Variants in GPR83 observed in about 807,000 individuals in gnomAD.
GPR83 encodes G protein-coupled receptor 83, also known as G-protein coupled receptor 72.
In GPR83, 23 loss-of-function variants were observed where a neutral mutation model predicts 28.0. The ratio of observed to expected loss-of-function variants is 0.82; its 90% confidence interval spans 0.59 to 1.16. The LOEUF (loss-of-function observed/expected upper bound fraction) is 1.16. GPR83 is among the 50% of genes most tolerant of loss of function. The pLI, the probability that GPR83 is intolerant of heterozygous loss-of-function variation, is 0.00. For missense variants in GPR83, 610 were observed against 536.6 expected (o/e 1.14, Z -1.35); for synonymous variants, 234 against 215.4 (o/e 1.09, Z -0.76).
chr11:94,397,486 G>A (rs1944877415), intron 1 of GPR83, among the ~76,000 whole-genome samples: 1 of 152,200 alleles, frequency 6.6e-6, no homozygotes, highest in Non-Finnish European at 1.5e-5. Flanking sequence ...CATAGAAATA[G>A]GGCAAGTTGG....
rs988114439 is a variant in GPR83 at position 94,379,451 on chromosome 11, G to C, written c.*698C>G. 6.6e-6 allele frequency: 1 copy of C among 151,184 alleles called. No individual in the cohort carries two copies. The highest frequency in any genetic ancestry group is 1.5e-5 in the Non-Finnish European group (1 of 67,898). The allele number at this position is 151,184 out of a possible 1,614,324, so 9.4% of individuals were successfully genotyped here. On this transcript the variant is annotated 3_prime_UTR_variant, in exon 4 of 4. Coordinates refer to ENST00000243673, the MANE Select transcript of GPR83 (RefSeq NM_016540.4). ...CACACGAAGGAAAATGTTGCAAATA[G>C]AGCCACAGCATGTTCACAGATGTTA...
chr11:94,384,271 C>T (rs551862672), intron 3 of GPR83, among the ~76,000 whole-genome samples: 1 of 152,170 alleles, frequency 6.6e-6, no homozygotes, highest in Non-Finnish European at 1.5e-5. Flanking sequence ...AGGCCTTCAA[C>T]AAAATTCAGC....
intron 1 of GPR83, 56 bp downstream of exon 1, chr11:94,400,803 TGA>T (rs1944903815): frequency 2.6e-6 from 4 of 1,548,134 alleles, no homozygotes; most frequent in Middle Eastern, 3.5e-4. Flanking sequence ...GCCAGAGAAC[TGA>T]GAGAGGAAAG....
chr11:94,396,267 C>T (rs1397972726), intron 2 of GPR83, 132 bp downstream of exon 2: 4 of 812,602 alleles, frequency 4.9e-6, no homozygotes, highest in Non-Finnish European at 8.0e-6. Flanking sequence ...CCTATGTGTT[C>T]ATGTTGATCA....
At position 94,377,758 on chromosome 11, in the gene GPR83, T is replaced by C. The variant is rs970714984; in HGVS notation, c.*2391A>G. On this transcript the variant is annotated 3_prime_UTR_variant, in exon 4 of 4. Coordinates refer to ENST00000243673, the MANE Select transcript of GPR83 (RefSeq NM_016540.4). Reference sequence around the variant, plus strand: ...TCCCAGCTGTAGGCTAATATAAGTGTTCTCAGAGCATTTAAGGTAGGCTTG... The same window carrying C: ...TCCCAGCTGTAGGCTAATATAAGTGCTCTCAGAGCATTTAAGGTAGGCTTG... The C allele has an allele frequency of 3.9e-5, 6 of 152,232 alleles. No homozygotes were observed. The highest frequency in any genetic ancestry group is 8.8e-5 in the Non-Finnish European group (6 of 68,048). The allele number at this position is 152,232 out of a possible 1,614,324, so 9.4% of individuals were successfully genotyped here. A position where few individuals can be genotyped will look rare whatever the true frequency, so the allele number is the denominator to read the frequency against.
chr11:94,389,728 T>C (rs1591605115), intron 3 of GPR83, among the ~76,000 whole-genome samples: 1 of 152,220 alleles, frequency 6.6e-6, no homozygotes, highest in East Asian at 1.9e-4. Flanking sequence ...GGTGGGACTG[T>C]AAACTAGTTC....
intron 1 of GPR83, among the ~76,000 whole-genome samples, chr11:94,398,501 C>G (rs190279027): frequency 2.0e-5 from 3 of 152,214 alleles, no homozygotes; most frequent in African/African-American, 7.2e-5. Context: ...AATTTCTATT[C>G]AGTCAGGTCC....
intron 1 of GPR83, among the ~76,000 whole-genome samples, chr11:94,397,060 G>A (rs1944873196): frequency 6.6e-6 from 1 of 151,448 alleles, no homozygotes; most frequent in Non-Finnish European, 1.5e-5. Context: ...ACTCTAGTAG[G>A]GGAGACATAT....
chr11:94,380,200 C>G lies in GPR83; in HGVS notation c.1221G>C (p.Gln407His), dbSNP rs2134679500. The stretch of plus-strand genomic sequence containing the variant: ...CAGATGACAGGTCTGTCTTCCCAGA[C>G]TGGAGTTGGGAGGTGGGCAGGAGGT... ...ANNLLPTSQLQSGKTDLSSVE... is the reference protein window; with the variant it reads ...ANNLLPTSQLHSGKTDLSSVE... Residue 407 changes from glutamine (Q) to histidine (H), a missense_variant, in exon 4 of 4, where the codon CAG becomes CAC. Gln to His is a conservative substitution (Grantham distance 24, BLOSUM62 0). Coordinates refer to ENST00000243673, the MANE Select transcript of GPR83 (RefSeq NM_016540.4). The G allele has an allele frequency of 2.0e-6, 3 of 1,520,322 alleles. No individual in the cohort carries two copies. The highest frequency in any genetic ancestry group is 2.6e-6 in the Non-Finnish European group (3 of 1,136,084). The allele number at this position is 1,520,322 out of a possible 1,614,324, so 94.2% of individuals were successfully genotyped here. A position where few individuals can be genotyped will look rare whatever the true frequency, so the allele number is the denominator to read the frequency against.
chr11:94,397,705 G>A (rs1347384030), intron 1 of GPR83, among the ~76,000 whole-genome samples: 3 of 152,328 alleles, frequency 2.0e-5, no homozygotes, highest in East Asian at 1.9e-4. Flanking sequence ...AGTACTTAAC[G>A]CTATCAACTG....
At chr11:94,383,705 C>A (rs966883642) in intron 3 of GPR83, among the ~76,000 whole-genome samples, 1 of 152,142 alleles carries the variant, frequency 6.6e-6, no homozygotes, top group Admixed American at 6.6e-5. Flanking sequence ...ACTATAAACA[C>A]CTTTACACAA....
At chr11:94,383,154 C>CA (rs1476784786) in intron 3 of GPR83, among the ~76,000 whole-genome samples, 31 of 114,818 alleles carry the variant, frequency 2.7e-4, no homozygotes, top group Non-Finnish European at 4.7e-4. Flanking sequence ...CCGTCTCAAA[C>CA]AAAAAAAGAA....
chr11:94,398,503 G>T (rs1032024937), intron 1 of GPR83, among the ~76,000 whole-genome samples: 1 of 152,160 alleles, frequency 6.6e-6, no homozygotes. Context: ...TTTCTATTCA[G>T]TCAGGTCCTG....
Position 94,400,122 on chromosome 11 carries a change from C to T in GPR83, c.387+739G>A, listed in dbSNP as rs1250419319. Among the ~76,000 whole-genome samples, 3 of 152,186 alleles carry T rather than the reference C, an allele frequency of 2.0e-5. No homozygotes were observed. The East Asian group carries it at 5.8e-4, about 29-fold the overall frequency. On this transcript the variant is annotated intron_variant, in intron 1 of 3. Transcript: ENST00000243673. ...AACAATTAGCAATTGTTTGATATTT[C>T]AGTTGTAGCACAAAGCAGTATCCCA... is the stretch of plus-strand genomic sequence containing the variant.
chr11:94,394,323 A>T (rs1944845722), intron 2 of GPR83, among the ~76,000 whole-genome samples: 1 of 152,184 alleles, frequency 6.6e-6, no homozygotes, highest in Admixed American at 6.5e-5. Context: ...CAACATGTTT[A>T]TGAAAGCCAT....
chr11:94,386,994 A>G (rs886228715), intron 3 of GPR83, among the ~76,000 whole-genome samples: 1 of 152,224 alleles, frequency 6.6e-6, no homozygotes, highest in African/African-American at 2.4e-5. Context: ...AACACAGAGC[A>G]ATCAAACTAG....
At chr11:94,384,759 C>T (rs1307496461) in intron 3 of GPR83, among the ~76,000 whole-genome samples, 2 of 152,226 alleles carry the variant, frequency 1.3e-5, no homozygotes, top group Non-Finnish European at 2.9e-5. Context: ...CCTCTGTAGA[C>T]TCCACCTCTG....
chr11:94,399,352 G>C (rs943970089), intron 1 of GPR83, among the ~76,000 whole-genome samples: 23 of 152,348 alleles, frequency 1.5e-4, no homozygotes, highest in South Asian at 1.2e-3. Flanking sequence ...CAAGTCCAGG[G>C]TTTGGAGTAG....
intron 2 of GPR83, 90 bp from the exon 3 acceptor site, chr11:94,393,708 C>T (rs1454557672): frequency 4.8e-6 from 6 of 1,238,888 alleles, no homozygotes; most frequent in Non-Finnish European, 7.0e-6. Context: ...CTCCTGTAAT[C>T]CCAGCACTTT....
Sources: gnomAD v4.1 joint callset for allele counts (sites outside exome capture counted in the v4.1 genomes callset) on GRCh38, gnomAD v4.1.1 for gene constraint, MANE v1.5 for transcripts, NCBI Gene and HGNC (gene_info 2026-07-23, HGNC 2026-07-21) for gene names.